The following GCKR variants were observed in gnomAD, a reference collection of about 807,000 sequenced individuals.
GCKR encodes the protein glucokinase regulator, also known as glucokinase regulatory protein.
Under a neutral mutation model 82.9 loss-of-function variants are expected in GCKR, and 73 were observed. That is an observed-to-expected ratio of 0.88 (90% confidence interval 0.73 to 1.07). GCKR has a LOEUF of 1.07. Among genes scored for constraint, GCKR ranks in the 50% least tolerant of loss-of-function variants. The probability of loss-of-function intolerance (pLI) is 0.00; values close to 1 mark genes in which losing one functional copy is unlikely to be tolerated. For missense variants in GCKR, 784 were observed against 782.1 expected (o/e 1.00, Z -0.03); for synonymous variants, 294 against 291.8 (o/e 1.01, Z -0.08).
At chr2:27,505,125 C>CAAAAAAA (rs146563052) in intron 9 of GCKR, among the ~76,000 whole-genome samples, 3 of 25,432 alleles carry the variant, frequency 1.2e-4, no homozygotes, top group Non-Finnish European at 2.0e-4. Context: ...GACTCCATCT[C>CAAAAAAA]AAAAAAAAAA....
intron 18 of GCKR, 88 bp downstream of exon 18, chr2:27,522,682 G>A: frequency 9.1e-7 from 1 of 1,104,182 alleles, no homozygotes; most frequent in Non-Finnish European, 1.4e-6. Flanking sequence ...GGTTTACAAA[G>A]CTCAGTGGCA....
At chr2:27,499,575 G>T in intron 7 of GCKR, 125 bp downstream of exon 7, 1 of 817,022 alleles carries the variant, frequency 1.2e-6, no homozygotes, top group Non-Finnish European at 2.2e-6. Flanking sequence ...AAGGAATTTT[G>T]GTTTTAGTTT....
intron 8 of GCKR, among the ~76,000 whole-genome samples, chr2:27,502,266 C>T (rs1425917289): frequency 6.6e-6 from 1 of 152,174 alleles, no homozygotes; most frequent in Non-Finnish European, 1.5e-5. Context: ...GGCTCTCCTT[C>T]ACCAAAAATG....
At chr2:27,500,575 T>C (rs900466775) in intron 7 of GCKR, among the ~76,000 whole-genome samples, 1 of 152,208 alleles carries the variant, frequency 6.6e-6, no homozygotes, top group African/African-American at 2.4e-5. Flanking sequence ...GTATCTGGCC[T>C]TTTACAGAAA....
Position 27,501,814 on chromosome 2 carries a change from A to G in GCKR, c.644+585A>G, listed in dbSNP as rs528997593. 1.3e-4 allele frequency: 61 copies of G among 470,752 alleles called. 1 individual carries two copies. Among genetic ancestry groups the G allele is most frequent in the South Asian group, 4.5e-4 (29 of 64,424 alleles). The allele number at this position is 470,752 out of a possible 1,614,324, so 29.2% of individuals were successfully genotyped here. On this transcript the variant is annotated intron_variant, in intron 8 of 18. Transcript: ENST00000264717. ...AGTGGTCACTCTTATTTCAGAATAA[A>G]TCAACATATTAAACCAGTAGTGCTC...
intron 16 of GCKR, among the ~76,000 whole-genome samples, chr2:27,511,182 T>C (rs1420663619): frequency 1.3e-5 from 2 of 151,948 alleles, no homozygotes; most frequent in Admixed American, 1.3e-4. Context: ...CACACGCCTC[T>C]ATGCCCTGCT....
intron 9 of GCKR, 91 bp from the exon 10 acceptor site, chr2:27,505,627 A>C: frequency 1.3e-6 from 1 of 752,924 alleles, no homozygotes; most frequent in African/African-American, 1.7e-5. Flanking sequence ...GGCCACTGGT[A>C]CTATCACATG....
chr2:27,498,818 AATATTTTGTTTGACCTAAATAGT>A (rs1308254058), intron 5 of GCKR, 21 bp downstream of exon 5: 2 of 1,439,762 alleles, frequency 1.4e-6, no homozygotes, highest in African/African-American at 2.8e-5. Context: ...TTAGCCTATG[AATATTTTGTTTGACCTAAATAGT>A]ATTTCTTAGA....
In GCKR at chr2:27,508,073, T is replaced by A; in HGVS notation, c.1337T>A (p.Leu446Gln). Residue 446 changes from leucine (L) to glutamine (Q), a missense_variant and splice_region_variant, in exon 15 of 19, where the codon CTG becomes CAG. Leu to Gln is a moderately radical substitution (Grantham distance 113, BLOSUM62 -2). Transcript: ENST00000264717. ...LAHSTVGQTL[L>Q]IPLKKLFPSI... ...CACAGCACCGTGGGTCAGACCTTGC[T>A]GGTGAGAGTCCAGCCGTGACAAAGG... 3 of 1,611,884 alleles carry A rather than the reference T, an allele frequency of 1.9e-6. No individual in the cohort carries two copies. Among genetic ancestry groups the A allele is most frequent in the South Asian group, 2.2e-5 (2 of 91,034 alleles).
intron 17 of GCKR, among the ~76,000 whole-genome samples, chr2:27,520,417 G>A (rs1349616817): frequency 6.6e-6 from 1 of 152,214 alleles, no homozygotes; most frequent in Non-Finnish European, 1.5e-5. Flanking sequence ...CATGATATGT[G>A]AGGGACACAG....
intron 16 of GCKR, among the ~76,000 whole-genome samples, chr2:27,516,287 T>G (rs1463406465): frequency 7.6e-6 from 1 of 131,796 alleles, no homozygotes; most frequent in East Asian, 2.1e-4. Context: ...ATTCTTGTTT[T>G]TTTTTTTTTT....
intron 16 of GCKR, chr2:27,509,505 A>G (rs921006211): frequency 2.2e-6 from 1 of 444,982 alleles, no homozygotes; most frequent in Admixed American, 2.4e-5. Flanking sequence ...ATGACTGGCT[A>G]ATTTTTGTAT....
intron 18 of GCKR, 113 bp downstream of exon 18, chr2:27,522,707 A>T: frequency 1.1e-6 from 1 of 872,718 alleles, no homozygotes; most frequent in Admixed American, 1.8e-5. Flanking sequence ...GCTCACAAGG[A>T]CCTCCACATT....
chr2:27,518,517 C>T (rs1444343843), intron 16 of GCKR, among the ~76,000 whole-genome samples: 2 of 152,138 alleles, frequency 1.3e-5, no homozygotes, highest in East Asian at 1.9e-4. Flanking sequence ...TCAGCAGGAT[C>T]AAAATTCTAA....
rs1040208201 is a variant in GCKR at position 27,506,387 on chromosome 2, G to C, written c.870-94G>C. ...AGGGACCAGCAGAATTTAGTTCTAA[G>C]GGAGCTGTGCCTTCACCTCCCCGCT... is the stretch of plus-strand genomic sequence containing the variant. On this transcript the variant is annotated intron_variant, in intron 10 of 18. Coordinates refer to ENST00000264717, the MANE Select transcript of GCKR (RefSeq NM_001486.4). 22 of 832,850 alleles carry C rather than the reference G, an allele frequency of 2.6e-5. No homozygotes were observed. In the Admixed American group the frequency reaches 3.9e-4, roughly 15 times the overall value. 51.6% of individuals were successfully genotyped at this position (832,850 alleles called of 1,614,324 possible).
At chr2:27,522,660 T>G (rs987093603) in intron 18 of GCKR, 66 bp downstream of exon 18, 17 of 1,357,388 alleles carry the variant, frequency 1.3e-5, no homozygotes, top group Admixed American at 1.7e-5. Context: ...TCAGGAAGTT[T>G]GTTCGGCACT....
intron 16 of GCKR, 118 bp downstream of exon 16, chr2:27,508,369 A>G: frequency 2.7e-6 from 2 of 749,568 alleles, no homozygotes; most frequent in Non-Finnish European, 4.8e-6. Context: ...GACCCTCACA[A>G]AGCCAGCTGG....
In GCKR at chr2:27,518,950, TG is replaced by T; in HGVS notation, c.1572+17del. The T allele has an allele frequency of 1.4e-6, 1 of 716,910 alleles. No individual in the cohort carries two copies. The highest frequency in any genetic ancestry group is 2.4e-6 in the Non-Finnish European group (1 of 421,220). 44.4% of individuals were successfully genotyped at this position (716,910 alleles called of 1,614,324 possible). ...GGCCATGCTGCAGGTAGGGATATGA[TG>T]GGGCAGGGTTGGGTGGGACCTGGCC... On this transcript the variant is annotated intron_variant, in intron 17 of 18. Coordinates refer to ENST00000264717, the MANE Select transcript of GCKR (RefSeq NM_001486.4).
chr2:27,507,667 T>G lies in GCKR; in HGVS notation c.1144-14T>G. The stretch of plus-strand genomic sequence containing the variant: ...TTTTCATGGGAGGGACCCTCCCATC[T>G]TCTTCTGCCCCAGGGTCCCCAGTTC... On this transcript the variant is annotated splice_polypyrimidine_tract_variant and intron_variant, in intron 13 of 18. Transcript: ENST00000264717. 3 of 1,467,406 alleles carry G rather than the reference T, an allele frequency of 2.0e-6. No individual in the cohort carries two copies. The highest frequency in any genetic ancestry group is 2.9e-6 in the Non-Finnish European group (3 of 1,047,122). The allele number at this position is 1,467,406 out of a possible 1,614,324, so 90.9% of individuals were successfully genotyped here.
Sources: gnomAD v4.1 joint callset for allele counts (sites outside exome capture counted in the v4.1 genomes callset) on GRCh38, gnomAD v4.1.1 for gene constraint, MANE v1.5 for transcripts, NCBI Gene and HGNC (gene_info 2026-07-23, HGNC 2026-07-21) for gene names.